CCDC40: variants seen among roughly 807,000 people sequenced by gnomAD.
The protein encoded by CCDC40 is coiled-coil domain-containing protein 40.
CCDC40 carries 104 observed loss-of-function variants against 124.5 expected under a neutral mutation model. The ratio of observed to expected loss-of-function variants is 0.84; its 90% CI spans 0.71 to 0.98. The LOEUF is 0.98. CCDC40 is among the 50% of genes least tolerant of loss of function. The probability of loss-of-function intolerance (pLI) is 0.00; values close to 1 mark genes in which losing one functional copy is unlikely to be tolerated. For missense variants in CCDC40, 1,463 were observed against 1,503.9 expected (o/e 0.97, Z 0.45); for synonymous variants, 580 against 602.9 (o/e 0.96, Z 0.56).
intron 3 of CCDC40, among the ~76,000 whole-genome samples, chr17:80,046,031 A>G (rs575234138): frequency 6.6e-6 from 1 of 152,194 alleles, no homozygotes; most frequent in East Asian, 1.9e-4. Flanking sequence ...ATAATTTACT[A>G]TGACACCCGT....
At chr17:80,056,016 A>ATATTTTTTTTT (rs71163913) in intron 7 of CCDC40, among the ~76,000 whole-genome samples, 8 of 10,252 alleles carry the variant, frequency 7.8e-4, no homozygotes, top group Admixed American at 6.0e-3. Context: ...ATATATATAT[A>ATATTTTTTTTT]TTTTTTTTTT....
intron 3 of CCDC40, among the ~76,000 whole-genome samples, chr17:80,044,711 A>T (rs201220747): frequency 3.3e-5 from 2 of 60,842 alleles, no homozygotes; most frequent in African/African-American, 1.9e-4. Context: ...ACAAACAAAA[A>T]AAAAAATATA....
At chr17:80,062,361 T>G (rs2037923601) in intron 9 of CCDC40, among the ~76,000 whole-genome samples, 1 of 152,258 alleles carries the variant, frequency 6.6e-6, no homozygotes, top group East Asian at 1.9e-4. Context: ...TGTGCAGGTT[T>G]GTTACATATG....
intron 19 of CCDC40, 81 bp downstream of exon 19, chr17:80,097,484 C>G: frequency 2.1e-6 from 3 of 1,462,576 alleles, no homozygotes; most frequent in Admixed American, 3.6e-5. Flanking sequence ...CCCCTCTGTG[C>G]GAGTCACGGC....
chr17:80,043,364 G>T (rs2037329305), intron 3 of CCDC40, among the ~76,000 whole-genome samples: 1 of 152,138 alleles, frequency 6.6e-6, no homozygotes, highest in African/African-American at 2.4e-5. Context: ...TGATGCTGGG[G>T]TGTCACTGTC....
intron 1 of CCDC40, 48 bp from the exon 2 acceptor site, chr17:80,038,075 A>G (rs769797386): frequency 7.5e-7 from 1 of 1,333,306 alleles, no homozygotes; most frequent in South Asian, 1.2e-5. Context: ...AGGACCAAGA[A>G]AAAGAAAGCT....
rs199671771 is a variant in CCDC40 at position 80,047,392 on chromosome 17, G to A, written c.666G>A (p.Ser222=). The A allele has an allele frequency of 2.2e-5, 35 of 1,612,136 alleles. No individual in the cohort carries two copies. In the African/African-American group the frequency reaches 3.5e-4, roughly 16 times the overall value. The change falls in exon 4 of 20, where the codon TCG becomes TCA. Residue 222 remains serine, a synonymous_variant. Transcript: ENST00000397545. The part of the protein sequence containing the change: ...IESSDLEEFV[S]QEPVIPPGVP... The stretch of plus-strand genomic sequence containing the variant: ...CCTCAGACCTGGAGGAGTTCGTCTC[G>A]CAGGAGCCAGGTGCCACCCACCTGC...
intron 10 of CCDC40, among the ~76,000 whole-genome samples, chr17:80,070,087 C>G (rs567593928): frequency 6.6e-6 from 1 of 152,358 alleles, no homozygotes; most frequent in African/African-American, 2.4e-5. Flanking sequence ...GGACACTGTC[C>G]TTGCCCCCAG....
chr17:80,097,829 G>C (rs761447583), intron 19 of CCDC40: 1 of 226,528 alleles, frequency 4.4e-6, no homozygotes, highest in East Asian at 1.1e-4. Context: ...GAGCCTGGGA[G>C]GTCGAGACTG....
chr17:80,046,532 C>CAATAAT (rs60431250), intron 3 of CCDC40, among the ~76,000 whole-genome samples: 5,999 of 147,320 alleles, frequency 0.041, 407 homozygotes, highest in African/African-American at 0.14. Flanking sequence ...GACCCTTACT[C>CAATAAT]AATAATAATA....
chr17:80,039,865 C>G lies in CCDC40; in HGVS notation c.147C>G (p.Ser49Arg), dbSNP rs1301657020. The G allele has an allele frequency of 6.2e-7, 1 of 1,613,780 alleles. No homozygotes were observed. The highest frequency in any genetic ancestry group is 1.7e-5 in the Admixed American group (1 of 59,974). ...DGQKGEEAVG[S>R]TEHPEEVTTQ... ...AGAAAGGTGAAGAAGCTGTCGGTAGCACAGAGCATCCTGAGGAAGTCACAA... is the reference window on the plus strand; with the variant it reads ...AGAAAGGTGAAGAAGCTGTCGGTAGGACAGAGCATCCTGAGGAAGTCACAA... The change falls in exon 3 of 20, where the codon AGC becomes AGG. Residue 49 changes from serine to arginine, a missense_variant. By Grantham distance (110) the Ser-to-Arg change is moderately radical. Transcript: ENST00000397545.
intron 10 of CCDC40, chr17:80,067,662 A>T: frequency 6.5e-7 from 1 of 1,536,066 alleles, no homozygotes; most frequent in East Asian, 2.4e-5. Flanking sequence ...TGCTGTAGAT[A>T]ACCGGATCCG....
At chr17:80,096,546 CCT>C (rs1373995148) in intron 18 of CCDC40, among the ~76,000 whole-genome samples, 1 of 152,050 alleles carries the variant, frequency 6.6e-6, no homozygotes, top group Non-Finnish European at 1.5e-5. Flanking sequence ...CTGGGCACCC[CCT>C]GAGTCCCCTG....
At chr17:80,092,367 C>T (rs913076538) in intron 17 of CCDC40, among the ~76,000 whole-genome samples, 4 of 152,076 alleles carry the variant, frequency 2.6e-5, no homozygotes, top group African/African-American at 9.7e-5. Flanking sequence ...GACGTACAAT[C>T]ATGTAGCCAC....
At chr17:80,093,170 G>A (rs1244137630) in intron 17 of CCDC40, among the ~76,000 whole-genome samples, 1 of 152,066 alleles carries the variant, frequency 6.6e-6, no homozygotes, top group Non-Finnish European at 1.5e-5. Flanking sequence ...CTATACTTAC[G>A]AAATTCCTCC....
chr17:80,097,526 C>T, intron 19 of CCDC40, 123 bp downstream of exon 19: 2 of 978,306 alleles, frequency 2.0e-6, no homozygotes, highest in Non-Finnish European at 1.5e-6. Context: ...CTCTCCTGAT[C>T]CCAGGCCAGT....
Position 80,049,912 on chromosome 17 carries a change from A to G in CCDC40, c.862A>G (p.Met288Val). The G allele has an allele frequency of 6.2e-7, 1 of 1,613,928 alleles. No homozygotes were observed. Among genetic ancestry groups the G allele is most frequent in the Non-Finnish European group, 8.5e-7 (1 of 1,179,904 alleles). ...TGGTTTTCCATTGTTCTAGCCCCTG[A>G]TGGTAAGATTCCAGGCTGCCCTGAA... ...LVVLDPDHPL[M>V]VRFQAALKNY... The change falls in exon 6 of 20, where the codon ATG becomes GTG. Residue 288 changes from methionine to valine, a missense_variant. Transcript: ENST00000397545.
chr17:80,049,859 G>A (rs1362854571), intron 5 of CCDC40, 47 bp from the exon 6 acceptor site: 1 of 1,562,630 alleles, frequency 6.4e-7, no homozygotes, highest in East Asian at 2.2e-5. Flanking sequence ...GGGTCGGGCA[G>A]GAGGGTAACC....
chr17:80,040,540 G>A (rs1056520558), intron 3 of CCDC40: 51 of 463,120 alleles, frequency 1.1e-4, no homozygotes, highest in Middle Eastern at 1.3e-3. Flanking sequence ...TTAGGCAGGC[G>A]TGGTGGCGCA....
Sources: gnomAD v4.1 joint callset for allele counts (sites outside exome capture counted in the v4.1 genomes callset) on GRCh38, gnomAD v4.1.1 for gene constraint, MANE v1.5 for transcripts, NCBI Gene and HGNC (gene_info 2026-07-23, HGNC 2026-07-21) for gene names.